The following ME2 variants were observed in gnomAD, a reference collection of about 807,000 sequenced individuals.
ME2 encodes the protein malic enzyme 2.
In ME2, 60 loss-of-function variants were observed where a neutral mutation model predicts 73.7. The observed-to-expected ratio is 0.81, with a 90% CI of 0.66 to 1.01. ME2 has a LOEUF of 1.01. Among genes scored for constraint, ME2 ranks in the 50% least tolerant of loss-of-function variants. ME2 has a pLI of 0.00. For synonymous variants in ME2, 199 were observed against 236.9 expected (o/e 0.84, Z 1.47); for missense variants, 594 against 705.5 (o/e 0.84, Z 1.79).
Position 50,920,596 on chromosome 18 carries a change from C to T in ME2, c.844+31C>T, listed in dbSNP as rs775937507. 185 of 1,565,370 alleles carry T rather than the reference C, an allele frequency of 1.2e-4. 1 individual carries two copies. Among genetic ancestry groups the T allele is most frequent in the Non-Finnish European group, 1.6e-4 (181 of 1,158,310 alleles). On this transcript the variant is annotated intron_variant, in intron 8 of 15. Transcript: ENST00000321341. ...GCAAAAAAACTTCAGGGTTTTGATT[C>T]CTACTTTTTAAACATTTTTAATGTG...
intron 1 of ME2, among the ~76,000 whole-genome samples, chr18:50,888,989 C>T (rs1053824117): frequency 1.3e-5 from 2 of 152,188 alleles, no homozygotes; most frequent in Admixed American, 1.3e-4. Context: ...ATATCCATCA[C>T]TTTCAATATT....
At chr18:50,934,375 G>C (rs1917769389) in intron 13 of ME2, 1 of 152,180 alleles carries the variant, frequency 6.6e-6, no homozygotes, top group Admixed American at 6.5e-5. Context: ...GGTCAGGCAT[G>C]GTGGCTCTCG....
rs1177684127 is a variant in ME2 at position 50,951,241 on chromosome 18, G to A, written c.*4057G>A. The A allele has an allele frequency of 2.0e-5, 3 of 152,062 alleles. No individual in the cohort carries two copies. Among genetic ancestry groups the A allele is most frequent in the African/African-American group, 4.8e-5 (2 of 41,410 alleles). 9.4% of individuals were successfully genotyped at this position (152,062 alleles called of 1,614,324 possible). A position where few individuals can be genotyped will look rare whatever the true frequency, so the allele number is the denominator to read the frequency against. ...AACTTGTCAGCCTCTGGAGAAATAG[G>A]ATTTTACATTTTTGCAAATGAGTTG... is the stretch of plus-strand genomic sequence containing the variant. On this transcript the variant is annotated 3_prime_UTR_variant, in exon 16 of 16. Transcript: ENST00000321341.
At chr18:50,944,648 C>A (rs544933343) in intron 15 of ME2, among the ~76,000 whole-genome samples, 3 of 152,280 alleles carry the variant, frequency 2.0e-5, no homozygotes, top group East Asian at 3.9e-4. Context: ...GTGAGCCCCC[C>A]TTATGTCTAA....
rs142847061 is a variant in ME2, at chr18:50,932,347, T to A, written c.1404T>A (p.Val468=). ...TTACACCAGGTCAAGGAAACAATGTTTATATTTTTCCAGGTAAATGCCACC... is the reference window on the plus strand; with the variant it reads ...TTACACCAGGTCAAGGAAACAATGTATATATTTTTCCAGGTAAATGCCACC... ...RVFTPGQGNN[V]YIFPGVALAV... The change falls in exon 13 of 16, where the codon GTT becomes GTA. Residue 468 remains valine, a synonymous_variant. Transcript: ENST00000321341. 2.9e-3 allele frequency: 4,606 copies of A among 1,611,994 alleles called. 111 individuals are homozygous for A. In the East Asian group the frequency reaches 0.047, roughly 17 times the overall value.
At chr18:50,927,721 CATATATATATATATATAT>C (rs368161371) in intron 12 of ME2, among the ~76,000 whole-genome samples, 8 of 85,448 alleles carry the variant, frequency 9.4e-5, no homozygotes, top group South Asian at 5.7e-4. Flanking sequence ...CCCAAAAAAC[CATATATATATATATATAT>C]ATATATATAT....
intron 15 of ME2, chr18:50,945,391 A>G (rs1176557993): frequency 3.3e-5 from 5 of 152,198 alleles, no homozygotes; most frequent in Admixed American, 2.0e-4. Flanking sequence ...AAGTGCTGGG[A>G]TCATAGGTGT....
intron 2 of ME2, among the ~76,000 whole-genome samples, chr18:50,906,647 A>G (rs1224352112): frequency 6.6e-6 from 1 of 152,154 alleles, no homozygotes; most frequent in African/African-American, 2.4e-5. Flanking sequence ...GTATTCTTGT[A>G]CATGCCCACT....
intron 4 of ME2, chr18:50,915,528 CTG>C (rs1917264902): frequency 6.6e-6 from 1 of 152,180 alleles, no homozygotes; most frequent in African/African-American, 2.4e-5. Flanking sequence ...GTTAGTCAAT[CTG>C]TGTGTTACTG....
At chr18:50,929,244 C>T (rs1420560999) in intron 12 of ME2, among the ~76,000 whole-genome samples, 2 of 151,026 alleles carry the variant, frequency 1.3e-5, no homozygotes, top group South Asian at 2.1e-4. Flanking sequence ...TTTGGAATGC[C>T]AAGGTGGGCA....
intron 12 of ME2, among the ~76,000 whole-genome samples, chr18:50,928,845 G>T (rs1160005793): frequency 1.3e-5 from 2 of 152,192 alleles, no homozygotes; most frequent in East Asian, 3.9e-4. Flanking sequence ...TGGCTTTGCT[G>T]TTCAGGGTCT....
chr18:50,905,086 A>G (rs1372582701), intron 2 of ME2, among the ~76,000 whole-genome samples: 2 of 152,028 alleles, frequency 1.3e-5, no homozygotes, highest in African/African-American at 2.4e-5. Context: ...TCCCGGGTTC[A>G]AGCAATTCTC....
intron 1 of ME2, among the ~76,000 whole-genome samples, chr18:50,890,890 T>C (rs1307367024): frequency 1.3e-5 from 2 of 152,140 alleles, no homozygotes; most frequent in Non-Finnish European, 2.9e-5. Flanking sequence ...CCTTCTAGCA[T>C]GGCCAGGAGG....
At chr18:50,932,413 A>G (rs944364045) in intron 13 of ME2, 53 bp downstream of exon 13, 2 of 1,403,630 alleles carry the variant, frequency 1.4e-6, no homozygotes, top group Non-Finnish European at 2.0e-6. Context: ...ATGTAAAAAT[A>G]CTTAATGGAA....
chr18:50,942,199 A>G (rs1291092329), intron 15 of ME2, among the ~76,000 whole-genome samples: 1 of 152,178 alleles, frequency 6.6e-6, no homozygotes, highest in Non-Finnish European at 1.5e-5. Flanking sequence ...GAGAAAGGGA[A>G]ACATTTTTTC....
chr18:50,910,351 A>G (rs536844678), intron 3 of ME2, among the ~76,000 whole-genome samples: 1 of 146,714 alleles, frequency 6.8e-6, no homozygotes, highest in Admixed American at 6.8e-5. Flanking sequence ...ACGCAGGAGG[A>G]TAACTTAAGC....
intron 13 of ME2, among the ~76,000 whole-genome samples, chr18:50,938,682 GA>G (rs1388318360): frequency 6.6e-6 from 1 of 152,136 alleles, no homozygotes; most frequent in Non-Finnish European, 1.5e-5. Context: ...AATCAACTTA[GA>G]AAGAAGCAAA....
At chr18:50,938,523 G>T (rs1917868217) in intron 13 of ME2, among the ~76,000 whole-genome samples, 1 of 152,126 alleles carries the variant, frequency 6.6e-6, no homozygotes, top group Non-Finnish European at 1.5e-5. Context: ...TCAAATATAA[G>T]TAGAAAGAAG....
chr18:50,883,709 A>G (rs557662000), intron 1 of ME2, among the ~76,000 whole-genome samples: 11 of 152,152 alleles, frequency 7.2e-5, no homozygotes, highest in Non-Finnish European at 1.5e-4. Context: ...CTAAAAATAC[A>G]AAAAAGTAAA....
Sources: gnomAD v4.1 joint callset for allele counts (sites outside exome capture counted in the v4.1 genomes callset) on GRCh38, gnomAD v4.1.1 for gene constraint, MANE v1.5 for transcripts, NCBI Gene and HGNC (gene_info 2026-07-23, HGNC 2026-07-21) for gene names.